The following CACNA2D3 variants were observed in gnomAD, a reference collection of about 807,000 sequenced individuals.
CACNA2D3 encodes the protein calcium voltage-gated channel auxiliary subunit alpha2delta 3, also known as voltage-dependent calcium channel subunit alpha-2/delta-3.
Under a neutral mutation model 160.6 loss-of-function variants are expected in CACNA2D3, and 60 were observed. The ratio of observed to expected loss-of-function variants is 0.37; its 90% confidence interval spans 0.30 to 0.46. CACNA2D3 has a LOEUF of 0.46. Ranked by LOEUF, CACNA2D3 falls within the 20% of genes least tolerant of loss-of-function variation. CACNA2D3 has a pLI of 1.00. For missense variants in CACNA2D3, 1,205 were observed against 1,365.0 expected, an observed-to-expected ratio of 0.88 and a Z score of 1.85; for synonymous variants, 558 against 492.9, an observed-to-expected ratio of 1.13 and a Z score of -1.75.
chr3:54,930,961 T>TG (rs1277459712), intron 27 of CACNA2D3, among the ~76,000 whole-genome samples: 1 of 152,130 alleles, frequency 6.6e-6, no homozygotes, highest in Non-Finnish European at 1.5e-5. Flanking sequence ...CTGGGCGTGA[T>TG]GGTGGCCTTC....
chr3:54,251,933 C>G (rs1702195929), intron 2 of CACNA2D3, among the ~76,000 whole-genome samples: 1 of 152,102 alleles, frequency 6.6e-6, no homozygotes. Flanking sequence ...TTTTACTGTT[C>G]CAGCTTGCCT....
chr3:54,790,933 A>C (rs1017633241), intron 13 of CACNA2D3, among the ~76,000 whole-genome samples: 4 of 152,194 alleles, frequency 2.6e-5, no homozygotes, highest in African/African-American at 9.6e-5. Context: ...CACCATCTCC[A>C]CAGTCAGAAA....
At chr3:55,041,112 C>T (rs1466924477) in intron 35 of CACNA2D3, among the ~76,000 whole-genome samples, 1 of 152,016 alleles carries the variant, frequency 6.6e-6, no homozygotes, top group Non-Finnish European at 1.5e-5. Flanking sequence ...TGAGATTTCC[C>T]TCATTCTGTT....
intron 4 of CACNA2D3, among the ~76,000 whole-genome samples, chr3:54,453,489 T>C (rs936141462): frequency 7.0e-6 from 1 of 142,748 alleles, no homozygotes; most frequent in Admixed American, 7.2e-5. Flanking sequence ...CTCAGGACTT[T>C]CTGCTTCCAC....
intron 14 of CACNA2D3, among the ~76,000 whole-genome samples, chr3:54,817,408 T>C (rs1265601884): frequency 1.3e-5 from 2 of 152,232 alleles, no homozygotes; most frequent in African/African-American, 4.8e-5. Flanking sequence ...CCTCATTGTC[T>C]GAGATGATCT....
chr3:54,600,669 AACTG>A (rs1177625263), intron 9 of CACNA2D3, among the ~76,000 whole-genome samples: 5 of 152,108 alleles, frequency 3.3e-5, no homozygotes, highest in Admixed American at 2.0e-4. Context: ...GCAATGAGGG[AACTG>A]ACTATTTTTA....
Position 54,153,147 on chromosome 3 carries a change from C to G in CACNA2D3, c.204+29553C>G, listed in dbSNP as rs1263272538. On this transcript the variant is annotated intron_variant, in intron 2 of 37. Coordinates refer to ENST00000474759, the MANE Select transcript of CACNA2D3 (RefSeq NM_018398.3). The stretch of plus-strand genomic sequence containing the variant: ...TATCAGGTCATAGAGAAGTTGGTAG[C>G]TCTGTGACCTTGGGCGGGTATAAGT... Among the ~76,000 whole-genome samples, 5 of 152,312 alleles carry G rather than the reference C, an allele frequency of 3.3e-5. No homozygotes were observed. In the East Asian group the frequency reaches 9.6e-4, roughly 29 times the overall value.
At chr3:54,468,503 G>A (rs937998987) in intron 4 of CACNA2D3, among the ~76,000 whole-genome samples, 1 of 152,322 alleles carries the variant, frequency 6.6e-6, no homozygotes, top group South Asian at 2.1e-4. Context: ...AAATGGGGCA[G>A]CCGTTTGGTC....
intron 29 of CACNA2D3, among the ~76,000 whole-genome samples, chr3:54,975,691 A>G (rs1422855679): frequency 6.6e-6 from 1 of 152,104 alleles, no homozygotes; most frequent in African/African-American, 2.4e-5. Context: ...CATTAAGTAT[A>G]TTTTTAGACT....
intron 4 of CACNA2D3, among the ~76,000 whole-genome samples, chr3:54,486,015 C>T (rs182244219): frequency 2.0e-5 from 3 of 152,246 alleles, no homozygotes; most frequent in Non-Finnish European, 2.9e-5. Flanking sequence ...GGGAATTGCA[C>T]GAAAAATTTC....
At chr3:54,372,029 T>C (rs1000181548) in intron 3 of CACNA2D3, among the ~76,000 whole-genome samples, 17 of 152,214 alleles carry the variant, frequency 1.1e-4, no homozygotes, top group African/African-American at 3.9e-4. Context: ...CATTTTACCT[T>C]TCTAAAATCC....
chr3:54,933,087 T>G (rs567183451), intron 27 of CACNA2D3, among the ~76,000 whole-genome samples: 1 of 144,612 alleles, frequency 6.9e-6, no homozygotes, highest in African/African-American at 2.8e-5. Context: ...CTTCCTTCCT[T>G]CCTTCCTTCC....
intron 4 of CACNA2D3, among the ~76,000 whole-genome samples, chr3:54,466,776 T>G (rs1231757597): frequency 6.6e-6 from 1 of 152,190 alleles, no homozygotes; most frequent in Non-Finnish European, 1.5e-5. Context: ...CACTGTATAA[T>G]TATAAGTATA....
In CACNA2D3 at chr3:54,497,765, A is replaced by G. The variant is rs142814452; in HGVS notation, c.382-5727A>G. Among the ~76,000 whole-genome samples the G allele has an allele frequency of 3.3e-3, 498 of 152,070 alleles. 2 individuals carry two copies. The highest frequency in any genetic ancestry group is 4.9e-3 in the Admixed American group (75 of 15,274). ...GTAAATCCTTTTCATTAGGTTGAAG[A>G]TATTTTTCCTTATTTCAAATTTCCT... On this transcript the variant is annotated intron_variant, in intron 4 of 37. Transcript: ENST00000474759.
intron 35 of CACNA2D3, among the ~76,000 whole-genome samples, chr3:55,055,525 G>T (rs1312263135): frequency 6.6e-6 from 1 of 152,014 alleles, no homozygotes; most frequent in Non-Finnish European, 1.5e-5. Context: ...GGCCTTGGCT[G>T]TTAGGGACTT....
chr3:54,803,635 G>C (rs7429556), intron 13 of CACNA2D3, among the ~76,000 whole-genome samples: 1 of 152,118 alleles, frequency 6.6e-6, no homozygotes, highest in Non-Finnish European at 1.5e-5. Context: ...CACTCTGCAG[G>C]ATATGATCCA....
chr3:55,000,827 A>T (rs980481505), intron 31 of CACNA2D3, among the ~76,000 whole-genome samples: 2 of 152,096 alleles, frequency 1.3e-5, no homozygotes, highest in African/African-American at 4.8e-5. Context: ...CTTGGGCAGC[A>T]TTTTTTGTGA....
chr3:54,880,677 A>G, intron 20 of CACNA2D3, 119 bp from the exon 21 acceptor site: 2 of 913,678 alleles, frequency 2.2e-6, no homozygotes, highest in South Asian at 2.8e-5. Context: ...ACAGTTGGAA[A>G]AATTGTTGAC....
chr3:54,546,966 A>G (rs1431239468), intron 5 of CACNA2D3, among the ~76,000 whole-genome samples: 1 of 152,200 alleles, frequency 6.6e-6, no homozygotes, highest in Non-Finnish European at 1.5e-5. Flanking sequence ...TTAATGAACC[A>G]TTTATATGAC....
Sources: gnomAD v4.1 joint callset for allele counts (sites outside exome capture counted in the v4.1 genomes callset) on GRCh38, gnomAD v4.1.1 for gene constraint, MANE v1.5 for transcripts, NCBI Gene and HGNC (gene_info 2026-07-23, HGNC 2026-07-21) for gene names.